STK33: variants seen among roughly 807,000 people sequenced by gnomAD.
STK33 encodes serine/threonine-protein kinase 33.
STK33 carries 52 observed loss-of-function variants against 58.0 expected under a neutral mutation model. The ratio of observed to expected loss-of-function variants is 0.90; its 90% CI spans 0.72 to 1.13. The LOEUF is 1.13. Among genes scored for constraint, STK33 ranks in the 50% most tolerant of loss-of-function variants. The probability of loss-of-function intolerance (pLI) is 0.00; values close to 1 mark genes in which losing one functional copy is unlikely to be tolerated. For synonymous variants in STK33, 215 were observed against 200.1 expected (o/e 1.07, Z -0.63); for missense variants, 630 against 604.2 (o/e 1.04, Z -0.45).
chr11:8,500,291 G>A (rs545783723), intron 1 of STK33, among the ~76,000 whole-genome samples: 1 of 151,756 alleles, frequency 6.6e-6, no homozygotes, highest in South Asian at 2.1e-4. Flanking sequence ...ACATGATCCT[G>A]TATGGAAAAA....
At chr11:8,355,914 A>G in the STK33 span, among the ~76,000 whole-genome samples, 1 of 152,216 alleles carries the variant, frequency 6.6e-6, no homozygotes, top group East Asian at 1.9e-4. Context: ...AACAGCAGCC[A>G]CATGGAGAAG....
At chr11:8,424,874 T>G (rs2135990743) in intron 14 of STK33, among the ~76,000 whole-genome samples, 1 of 140,668 alleles carries the variant, frequency 7.1e-6, no homozygotes, top group Non-Finnish European at 1.5e-5. Flanking sequence ...CATTATAGAT[T>G]CTGGATATTA....
intron 1 of STK33, among the ~76,000 whole-genome samples, chr11:8,521,281 T>A (rs1953406907): frequency 1.3e-5 from 2 of 152,028 alleles, no homozygotes; most frequent in African/African-American, 4.8e-5. Flanking sequence ...AACAGAGATA[T>A]AGACCAATGG....
chr11:8,533,699 C>A (rs1259840217), intron 1 of STK33, among the ~76,000 whole-genome samples: 1 of 152,204 alleles, frequency 6.6e-6, no homozygotes, highest in Non-Finnish European at 1.5e-5. Context: ...TCCTACAGAG[C>A]TGTGGCTCCA....
At chr11:8,354,472 C>CCACACACACACACACA in the STK33 span, among the ~76,000 whole-genome samples, 341 of 56,038 alleles carry the variant, frequency 6.1e-3, 2 homozygotes, top group African/African-American at 0.022. Flanking sequence ...GTCTGCAAAA[C>CCACACACACACACACA]CTCACACACA....
intron 15 of STK33, among the ~76,000 whole-genome samples, chr11:8,404,576 T>A (rs1041057420): frequency 1.3e-5 from 2 of 152,258 alleles, no homozygotes; most frequent in African/African-American, 4.8e-5. Context: ...TTTAATTGAA[T>A]TTTTATTCAG....
At chr11:8,361,508 C>A in the STK33 span, among the ~76,000 whole-genome samples, 2 of 151,476 alleles carry the variant, frequency 1.3e-5, no homozygotes, top group African/African-American at 4.8e-5. The surrounding 1 kb of genome is among the most constrained non-coding windows in gnomAD (Gnocchi z 4.8). Flanking sequence ...TTTGCCCTCT[C>A]CACCGCCCCC....
the STK33 span, among the ~76,000 whole-genome samples, chr11:8,365,667 C>A: frequency 6.6e-6 from 1 of 152,218 alleles, no homozygotes; most frequent in East Asian, 1.9e-4. Context: ...GCCCAGCTCC[C>A]GGCTGCAGGG....
the STK33 span, among the ~76,000 whole-genome samples, chr11:8,334,824 A>G: frequency 3.9e-5 from 6 of 152,204 alleles, no homozygotes; most frequent in Admixed American, 1.3e-4. Context: ...CCCACCTCCA[A>G]GGCTGATCCA....
At chr11:8,586,370 C>T (rs549096280) in intron 1 of STK33, among the ~76,000 whole-genome samples, 3 of 152,216 alleles carry the variant, frequency 2.0e-5, no homozygotes, top group South Asian at 4.1e-4. Context: ...GCTTTTCCAC[C>T]TCTAGGCCTT....
intron 15 of STK33, among the ~76,000 whole-genome samples, chr11:8,405,121 G>A (rs575180029): frequency 6.6e-6 from 1 of 152,224 alleles, no homozygotes; most frequent in East Asian, 1.9e-4. Context: ...GGGTGACAGA[G>A]CAAGACTCCA....
intron 14 of STK33, among the ~76,000 whole-genome samples, chr11:8,428,968 A>G (rs1208885420): frequency 6.6e-6 from 1 of 152,138 alleles, no homozygotes; most frequent in Non-Finnish European, 1.5e-5. Context: ...TTAAATATAA[A>G]TTTGAACTTT....
intron 15 of STK33, among the ~76,000 whole-genome samples, chr11:8,402,502 T>C (rs1337396259): frequency 1.3e-5 from 2 of 152,110 alleles, no homozygotes; most frequent in African/African-American, 2.4e-5. Context: ...CATTAGGAGA[T>C]ACACCTAATG....
intron 11 of STK33, among the ~76,000 whole-genome samples, chr11:8,449,074 C>T (rs1421871645): frequency 6.6e-6 from 1 of 151,614 alleles, no homozygotes; most frequent in Admixed American, 6.6e-5. Context: ...AAATCAAAAC[C>T]ACAATGAGAT....
intron 1 of STK33, among the ~76,000 whole-genome samples, chr11:8,542,465 G>A (rs1273280851): frequency 2.0e-5 from 3 of 152,202 alleles, no homozygotes; most frequent in African/African-American, 7.2e-5. Flanking sequence ...GGCTGGCAAT[G>A]TCTGGGAACA....
At chr11:8,384,808 T>C in the STK33 span, among the ~76,000 whole-genome samples, 2 of 152,266 alleles carry the variant, frequency 1.3e-5, no homozygotes, top group African/African-American at 4.8e-5. Flanking sequence ...ATACAATAAA[T>C]AGCAGTGCGT....
At chr11:8,517,927 A>C (rs901854957) in intron 1 of STK33, among the ~76,000 whole-genome samples, 1 of 152,202 alleles carries the variant, frequency 6.6e-6, no homozygotes, top group Non-Finnish European at 1.5e-5. Flanking sequence ...CCAGGATATT[A>C]TCCAGGAGAA....
intron 1 of STK33, among the ~76,000 whole-genome samples, chr11:8,557,729 T>C (rs181278727): frequency 6.6e-6 from 1 of 151,670 alleles, no homozygotes; most frequent in East Asian, 1.9e-4. Context: ...TCAACCTATA[T>C]CATCACTGGA....
At chr11:8,554,916 T>C (rs1591772250) in intron 1 of STK33, 1 of 152,180 alleles carries the variant, frequency 6.6e-6, no homozygotes, top group East Asian at 1.9e-4. Flanking sequence ...TGGAATACTA[T>C]TCAGCCTTTT....
Sources: allele counts gnomAD v4.1 joint callset (sites outside exome capture counted in the v4.1 genomes callset), GRCh38; gene constraint gnomAD v4.1.1; non-coding constraint Gnocchi (gnomAD v3.1); transcripts MANE v1.5; gene names NCBI Gene and HGNC (gene_info 2026-07-23, HGNC 2026-07-21).